Variants in BICC1 observed in about 807,000 individuals in gnomAD.
BICC1 encodes the protein BicC family RNA binding protein 1.
BICC1 carries 43 observed loss-of-function variants against 111.0 expected under a neutral mutation model. The ratio of observed to expected loss-of-function variants is 0.39; its 90% CI spans 0.30 to 0.50. The LOEUF (loss-of-function observed/expected upper bound fraction) is 0.50. Among genes scored for constraint, BICC1 ranks in the 20% least tolerant of loss-of-function variants. The pLI, the probability that BICC1 is intolerant of heterozygous loss-of-function variation, is 0.88. For synonymous variants in BICC1, 467 were observed against 434.4 expected (o/e 1.07, Z -0.93); for missense variants, 1,091 against 1,203.2 (o/e 0.91, Z 1.38).
At chr10:58,690,312 C>G (rs1992157) in intron 2 of BICC1, among the ~76,000 whole-genome samples, 2 of 152,076 alleles carry the variant, frequency 1.3e-5, no homozygotes, top group Non-Finnish European at 2.9e-5. Flanking sequence ...ATTTTTCTTA[C>G]AGGCCATGGC....
intron 1 of BICC1, among the ~76,000 whole-genome samples, chr10:58,565,409 G>A (rs1453817706): frequency 6.6e-6 from 1 of 152,134 alleles, no homozygotes; most frequent in African/African-American, 2.4e-5. Flanking sequence ...CCTCAGAGGA[G>A]CTGGTCAGTC....
intron 2 of BICC1, among the ~76,000 whole-genome samples, chr10:58,651,442 T>A (rs1331012424): frequency 6.6e-6 from 1 of 152,166 alleles, no homozygotes; most frequent in East Asian, 1.9e-4. Context: ...GCTTTTTAGC[T>A]ATGGACAATG....
intron 3 of BICC1, among the ~76,000 whole-genome samples, chr10:58,717,164 A>G (rs1358143243): frequency 6.6e-6 from 1 of 152,208 alleles, no homozygotes; most frequent in Non-Finnish European, 1.5e-5. Context: ...TCTAAAATGC[A>G]TGTTTTATAC....
chr10:58,817,118 AG>A (rs1369791626), intron 18 of BICC1, among the ~76,000 whole-genome samples: 2 of 152,146 alleles, frequency 1.3e-5, no homozygotes, highest in African/African-American at 4.8e-5. Flanking sequence ...CTTTGACCAA[AG>A]GAAAGCACAG....
chr10:58,826,654 G>T (rs1294347342), intron 20 of BICC1, among the ~76,000 whole-genome samples: 1 of 114,410 alleles, frequency 8.7e-6, no homozygotes, highest in Non-Finnish European at 1.9e-5. Flanking sequence ...AGCTACTCGG[G>T]AGGCTGAGGC....
rs1268291181 is a variant in BICC1, at chr10:58,828,809, C to A, written c.2843C>A (p.Thr948Asn). 4 of 1,613,786 alleles carry A rather than the reference C, an allele frequency of 2.5e-6. No homozygotes were observed. Among genetic ancestry groups the A allele is most frequent in the Non-Finnish European group, 3.4e-6 (4 of 1,179,876 alleles). ...RKLFESPNARTSFLEGGASGR... is the reference protein window; with the variant it reads ...RKLFESPNARNSFLEGGASGR... ...CTTTTTGAATCGCCAAATGCACGCA[C>A]CTCTTTCCTGGAAGGTGGAGCGAGT... Residue 948 changes from threonine (T) to asparagine (N), a missense_variant, in exon 21 of 21, where the codon ACC becomes AAC. Physicochemically the swap from Thr to Asn is moderately conservative, Grantham distance 65 (BLOSUM62 0). Transcript: ENST00000373886.
intron 2 of BICC1, among the ~76,000 whole-genome samples, chr10:58,671,336 A>T (rs1306552894): frequency 2.0e-5 from 3 of 152,176 alleles, no homozygotes; most frequent in African/African-American, 7.2e-5. Context: ...TCAGTAACCC[A>T]AGATTCTTCC....
intron 1 of BICC1, among the ~76,000 whole-genome samples, chr10:58,529,772 A>C: frequency 6.6e-6 from 1 of 151,820 alleles, no homozygotes; most frequent in Non-Finnish European, 1.5e-5. Context: ...GTTGGCACTT[A>C]TTACGTACAC....
chr10:58,643,346 C>T (rs985944235), intron 2 of BICC1, among the ~76,000 whole-genome samples: 1 of 152,204 alleles, frequency 6.6e-6, no homozygotes, highest in Non-Finnish European at 1.5e-5. Context: ...GAGCTCTTTG[C>T]TATCTTCTTC....
chr10:58,748,262 A>G (rs1841890255), intron 3 of BICC1, among the ~76,000 whole-genome samples: 1 of 152,112 alleles, frequency 6.6e-6, no homozygotes, highest in Admixed American at 6.6e-5. Flanking sequence ...AAGAACACAG[A>G]ATTTTTGCCT....
At chr10:58,786,395 A>G (rs1843012632) in intron 4 of BICC1, among the ~76,000 whole-genome samples, 1 of 152,200 alleles carries the variant, frequency 6.6e-6, no homozygotes, top group African/African-American at 2.4e-5. Context: ...CAGCAAGAGT[A>G]ATAGATCTAC....
At chr10:58,685,149 G>T (rs920347175) in intron 2 of BICC1, among the ~76,000 whole-genome samples, 8 of 152,186 alleles carry the variant, frequency 5.3e-5, no homozygotes, top group Non-Finnish European at 1.2e-4. Context: ...TTCAGGAGCA[G>T]GTTGTTCAGT....
chr10:58,829,047 A>G lies in BICC1; in HGVS notation c.*156A>G. On this transcript the variant is annotated 3_prime_UTR_variant, in exon 21 of 21. Transcript: ENST00000373886. ...CCTGTACTTTATGGCAAAAAGGAAGAAGAGAGAGAAGATGTTCTTATGATG... is the reference window on the plus strand; with the variant it reads ...CCTGTACTTTATGGCAAAAAGGAAGGAGAGAGAGAAGATGTTCTTATGATG... 1 of 777,640 alleles carries G rather than the reference A, an allele frequency of 1.3e-6. No individual in the cohort carries two copies. Among genetic ancestry groups the G allele is most frequent in the Non-Finnish European group, 2.0e-6 (1 of 506,258 alleles). The allele number at this position is 777,640 out of a possible 1,614,324, so 48.2% of individuals were successfully genotyped here. A position where few individuals can be genotyped will look rare whatever the true frequency, so the allele number is the denominator to read the frequency against.
rs913553918 is a variant in BICC1, at chr10:58,819,600, T to C, written c.2695-769T>C. Among the ~76,000 whole-genome samples the C allele has an allele frequency of 3.3e-5, 5 of 152,274 alleles. No homozygotes were observed. In the East Asian group the frequency reaches 7.7e-4, roughly 23 times the overall value. The stretch of plus-strand genomic sequence containing the variant: ...TATTACTAACCATACCTGCCAATTG[T>C]CTTATTTGGTAAGCCCAGTACTTTA... On this transcript the variant is annotated intron_variant, in intron 19 of 20. Coordinates refer to ENST00000373886, the MANE Select transcript of BICC1 (RefSeq NM_001080512.3).
rs1307882426 is a variant in BICC1 at position 58,829,913 on chromosome 10, G to A, written c.*1022G>A. 1.3e-5 allele frequency: 2 copies of A among 152,150 alleles called. No homozygotes were observed. Among genetic ancestry groups the A allele is most frequent in the African/African-American group, 4.8e-5 (2 of 41,438 alleles). The allele number at this position is 152,150 out of a possible 1,614,324, so 9.4% of individuals were successfully genotyped here. A position where few individuals can be genotyped will look rare whatever the true frequency, so the allele number is the denominator to read the frequency against. On this transcript the variant is annotated 3_prime_UTR_variant, in exon 21 of 21. Coordinates refer to ENST00000373886, the MANE Select transcript of BICC1 (RefSeq NM_001080512.3). ...GGACGACATTCAATAACTGGAGCCCGAGATTGTCACTTTATTTAAAAAGAC... is the reference window on the plus strand; with the variant it reads ...GGACGACATTCAATAACTGGAGCCCAAGATTGTCACTTTATTTAAAAAGAC...
intron 18 of BICC1, chr10:58,814,401 T>G (rs1004759034): frequency 2.3e-6 from 1 of 425,584 alleles, no homozygotes; most frequent in African/African-American, 2.0e-5. Flanking sequence ...AGTAGGTAGG[T>G]GCTCAGTAAA....
chr10:58,789,171 C>A, intron 6 of BICC1, 91 bp from the exon 7 acceptor site: 2 of 1,114,500 alleles, frequency 1.8e-6, no homozygotes, highest in Non-Finnish European at 2.6e-6. Context: ...GCTTTAAAAT[C>A]TATCTTCAGA....
intron 2 of BICC1, among the ~76,000 whole-genome samples, chr10:58,685,916 G>C (rs573195618): frequency 2.7e-5 from 4 of 150,172 alleles, no homozygotes; most frequent in Admixed American, 6.6e-5. Flanking sequence ...TATGATGTTA[G>C]CTGGTACTTT....
chr10:58,791,901 C>T (rs1349661302), intron 8 of BICC1, among the ~76,000 whole-genome samples: 1 of 152,100 alleles, frequency 6.6e-6, no homozygotes, highest in Non-Finnish European at 1.5e-5. Context: ...AAGTGATTCT[C>T]ATGCCTCAGC....
Sources: gnomAD v4.1 joint callset for allele counts (sites outside exome capture counted in the v4.1 genomes callset) on GRCh38, gnomAD v4.1.1 for gene constraint, MANE v1.5 for transcripts, NCBI Gene and HGNC (gene_info 2026-07-23, HGNC 2026-07-21) for gene names.